SAMD4B: variants seen among roughly 807,000 people sequenced by gnomAD.
SAMD4B encodes the protein sterile alpha motif domain containing 4B, also known as protein Smaug homolog 2.
In SAMD4B, 5 loss-of-function variants were observed where a neutral mutation model predicts 74.5. The ratio of observed to expected loss-of-function variants is 0.07; its 90% CI spans 0.04 to 0.14. SAMD4B has a LOEUF of 0.14. Ranked by LOEUF, SAMD4B falls within the 10% of genes least tolerant of loss-of-function variation. The pLI, the probability that SAMD4B is intolerant of heterozygous loss-of-function variation, is 1.00. For missense variants in SAMD4B, 608 were observed against 921.8 expected, an observed-to-expected ratio of 0.66 and a Z score of 4.41; for synonymous variants, 373 against 374.9, an observed-to-expected ratio of 1.00 and a Z score of 0.06.
At chr19:39,362,261 ACTCTTGGGTGCACC>A (rs1283010714) in intron 3 of SAMD4B, among the ~76,000 whole-genome samples, 3 of 151,940 alleles carry the variant, frequency 2.0e-5, no homozygotes, top group Non-Finnish European at 4.4e-5. Flanking sequence ...TCCCTGGTTG[ACTCTTGGGTGCACC>A]CAGTGGAGAA....
At chr19:39,382,337 T>C (rs2078044728) in intron 12 of SAMD4B, among the ~76,000 whole-genome samples, 1 of 152,116 alleles carries the variant, frequency 6.6e-6, no homozygotes, top group African/African-American at 2.4e-5. Flanking sequence ...GTCAGACAGC[T>C]CTCCTGCACT....
At chr19:39,390,760 C>A in the SAMD4B span, 6 of 1,523,688 alleles carry the variant, frequency 3.9e-6, no homozygotes, top group African/African-American at 1.4e-5. Flanking sequence ...TGACGTTGTT[C>A]AGCAGAAACC....
In SAMD4B at chr19:39,370,044, C is replaced by A; in HGVS notation, c.586C>A (p.Arg196=). 6.2e-7 allele frequency: 1 copy of A among 1,611,940 alleles called. No individual in the cohort carries two copies. Among genetic ancestry groups the A allele is most frequent in the Non-Finnish European group, 8.5e-7 (1 of 1,179,104 alleles). ...AGPGWQDKPP[R]ENGHVPFHPS... ...GCCAGGCTGGCAGGACAAGCCACCC[C>A]GGGAAAATGGACACGTGCCCTTCCA... Residue 196 remains arginine, a synonymous_variant, in exon 4 of 14, where the codon CGG becomes AGG. Coordinates refer to ENST00000610417, the MANE Select transcript of SAMD4B (RefSeq NM_001384574.2).
At chr19:39,386,930 A>G, downstream of SAMD4B, 1 of 665,194 alleles carries the variant, frequency 1.5e-6, no homozygotes, top group Non-Finnish European at 2.7e-6. The surrounding 1 kb of genome is among the most constrained non-coding windows in gnomAD (Gnocchi z 6.1). Flanking sequence ...ATGGGAATAA[A>G]TACAGATTGA....
chr19:39,355,495 A>T (rs769960125), intron 2 of SAMD4B, among the ~76,000 whole-genome samples: 1 of 152,124 alleles, frequency 6.6e-6, no homozygotes, highest in Non-Finnish European at 1.5e-5. Context: ...AGTAGGTTCA[A>T]TGGGTCTTTG....
rs2077740836 is a variant in SAMD4B, at chr19:39,378,511, C to A, written c.1452C>A (p.Thr484=). ...TTTCTCATGTCCCCCCAGTGTGCAC[C>A]CAACTGCTGGTGTCCCGACCAGACG... The part of the protein sequence containing the change: ...QFTRVMGKVC[T]QLLVSRPDEE... Residue 484 remains threonine, a synonymous_variant, in exon 9 of 14, where the codon ACC becomes ACA. Transcript: ENST00000610417. The surrounding 1 kb of genome is among the most constrained non-coding windows in gnomAD (Gnocchi z 4.4). 2.5e-6 allele frequency: 4 copies of A among 1,613,824 alleles called. No homozygotes were observed. In the East Asian group the frequency reaches 8.9e-5, roughly 36 times the overall value.
chr19:39,342,877 C>A (rs1210518853), intron 1 of SAMD4B, among the ~76,000 whole-genome samples: 3 of 150,954 alleles, frequency 2.0e-5, no homozygotes, highest in Non-Finnish European at 4.4e-5. Context: ...CCCCGCACAT[C>A]CCCCTCGGAG....
Position 39,381,007 on chromosome 19 carries a change from C to A in SAMD4B, c.1866C>A (p.Asn622Lys). ...GQGRQNLWFA[N>K]PGGSNSMPSQ... ...CTGTGTAGAACCTGTGGTTTGCCAA[C>A]CCTGGAGGCAGCAACAGCATGCCCA... The change falls in exon 12 of 14, where the codon AAC becomes AAA. Residue 622 changes from asparagine to lysine, a missense_variant. Coordinates refer to ENST00000610417, the MANE Select transcript of SAMD4B (RefSeq NM_001384574.2). The A allele has an allele frequency of 1.2e-6, 2 of 1,611,000 alleles. No individual in the cohort carries two copies. The highest frequency in any genetic ancestry group is 8.5e-7 in the Non-Finnish European group (1 of 1,178,972).
chr19:39,389,379 G>A (rs757357536), downstream of SAMD4B: 1 of 1,614,014 alleles, frequency 6.2e-7, no homozygotes, highest in East Asian at 2.2e-5. This position sits in a 1 kb window ranked among gnomAD's most constrained non-coding sequence, Gnocchi z 5.3. Context: ...GCGTGCTGCT[G>A]GGATCTGGGG....
downstream of SAMD4B, chr19:39,389,215 A>T (rs1372414807): frequency 1.2e-6 from 2 of 1,611,108 alleles, no homozygotes; most frequent in Non-Finnish European, 1.7e-6. The surrounding 1 kb of genome is among the most constrained non-coding windows in gnomAD (Gnocchi z 5.3). Flanking sequence ...ATGAAGAAAA[A>T]GGTCCTTAGG....
intron 4 of SAMD4B, among the ~76,000 whole-genome samples, chr19:39,372,830 A>G (rs932520539): frequency 1.3e-5 from 2 of 152,144 alleles, no homozygotes; most frequent in Non-Finnish European, 2.9e-5. Flanking sequence ...AGGATTCCCC[A>G]GTCCCCCAGG....
At chr19:39,356,411 C>T (rs73546077) in intron 2 of SAMD4B, among the ~76,000 whole-genome samples, 4,149 of 152,220 alleles carry the variant, frequency 0.027, 87 homozygotes, top group African/African-American at 0.059. Context: ...GTGTTAAATC[C>T]GCTTCCTTTG....
chr19:39,382,354 C>T (rs764138430), intron 12 of SAMD4B, among the ~76,000 whole-genome samples: 8 of 152,202 alleles, frequency 5.3e-5, no homozygotes, highest in Non-Finnish European at 7.3e-5. Flanking sequence ...CACTGATTGA[C>T]TCCTCCCAAC....
At chr19:39,344,825 T>C (rs1177262501) in intron 1 of SAMD4B, among the ~76,000 whole-genome samples, 1 of 152,124 alleles carries the variant, frequency 6.6e-6, no homozygotes, top group East Asian at 1.9e-4. Flanking sequence ...CCATTTTTCT[T>C]AGGTGCCATG....
chr19:39,347,634 G>C (rs1427602029), intron 1 of SAMD4B, among the ~76,000 whole-genome samples: 3 of 152,192 alleles, frequency 2.0e-5, no homozygotes, highest in Non-Finnish European at 4.4e-5. Flanking sequence ...GAATCCAGGA[G>C]TAATGGCAAT....
At chr19:39,366,247 C>T (rs2076955938) in intron 3 of SAMD4B, among the ~76,000 whole-genome samples, 1 of 152,102 alleles carries the variant, frequency 6.6e-6, no homozygotes, top group African/African-American at 2.4e-5. Flanking sequence ...ACCCCAGAGG[C>T]AGAGGTTCCA....
chr19:39,386,534 C>T (rs1219740132), downstream of SAMD4B: 1 of 1,614,046 alleles, frequency 6.2e-7, no homozygotes, highest in Non-Finnish European at 8.5e-7. This position sits in a 1 kb window ranked among gnomAD's most constrained non-coding sequence, Gnocchi z 6.1. Context: ...CCTCTTCCTC[C>T]TCCGGTTCGT....
intron 4 of SAMD4B, among the ~76,000 whole-genome samples, chr19:39,374,459 G>A (rs187467928): frequency 3.3e-5 from 5 of 152,202 alleles, no homozygotes; most frequent in South Asian, 2.1e-4. Flanking sequence ...AGCAGCTTAC[G>A]TACTTCATTC....
In SAMD4B at chr19:39,375,936, C is replaced by G. The variant is rs1160235251; in HGVS notation, c.907+47C>G. 1 of 1,586,174 alleles carries G rather than the reference C, an allele frequency of 6.3e-7. No homozygotes were observed. Among genetic ancestry groups the G allele is most frequent in the South Asian group, 1.1e-5 (1 of 89,936 alleles). On this transcript the variant is annotated intron_variant, in intron 5 of 13. Transcript: ENST00000610417. The surrounding 1 kb of genome is among the most constrained non-coding windows in gnomAD (Gnocchi z 4.1). Reference sequence around the variant, plus strand: ...CAGGACCCTTTTCCAGGGGCTTCTGCAGAGCTTAGAGGACAGAAAGGAGCT... The same window carrying G: ...CAGGACCCTTTTCCAGGGGCTTCTGGAGAGCTTAGAGGACAGAAAGGAGCT...
Sources: allele counts gnomAD v4.1 joint callset (sites outside exome capture counted in the v4.1 genomes callset), GRCh38; gene constraint gnomAD v4.1.1; non-coding constraint Gnocchi (gnomAD v3.1); transcripts MANE v1.5; gene names NCBI Gene and HGNC (gene_info 2026-07-23, HGNC 2026-07-21).